UTS2: variants seen among roughly 807,000 people sequenced by gnomAD.
UTS2 encodes the protein urotensin-2.
A neutral mutation model predicts 12.6 loss-of-function variants in UTS2; 10 were observed. That is an observed-to-expected ratio of 0.80 (90% CI 0.49 to 1.35). The LOEUF is 1.35. UTS2 is among the 40% of genes most tolerant of loss of function. UTS2 has a pLI of 0.00. For missense variants in UTS2, 142 were observed against 143.2 expected, an observed-to-expected ratio of 0.99 and a Z score of 0.04; for synonymous variants, 52 against 50.0, an observed-to-expected ratio of 1.04 and a Z score of -0.17.
At chr1:7,889,460 A>AG in the UTS2 span, among the ~76,000 whole-genome samples, 2 of 145,872 alleles carry the variant, frequency 1.4e-5, no homozygotes, top group African/African-American at 2.6e-5. Flanking sequence ...AAAAAAAAAA[A>AG]AAAGAAAAGA....
the UTS2 span, among the ~76,000 whole-genome samples, chr1:7,862,980 ATTGTGTTGTGT>A: frequency 1.9e-5 from 1 of 53,366 alleles, no homozygotes; most frequent in East Asian, 3.0e-4. Context: ...GCCGTTATTT[ATTGTGTTGTGT>A]TGTATTGTAT....
At chr1:7,913,058 A>G in the UTS2 span, among the ~76,000 whole-genome samples, 1 of 150,778 alleles carries the variant, frequency 6.6e-6, no homozygotes, top group African/African-American at 2.5e-5. Context: ...ACTCTCCTCA[A>G]GAGCTAATAG....
At chr1:7,877,133 A>G in the UTS2 span, among the ~76,000 whole-genome samples, 1 of 97,834 alleles carries the variant, frequency 1.0e-5, no homozygotes, top group Non-Finnish European at 2.3e-5. Context: ...TATCAAAAAA[A>G]AAAAAAAAAG....
chr1:7,901,624 G>GTC, the UTS2 span, among the ~76,000 whole-genome samples: 11,253 of 131,414 alleles, frequency 0.086, 1,048 homozygotes, highest in East Asian at 0.21. Flanking sequence ...GTGTGTGTGT[G>GTC]TGTGTGTATA....
chr1:7,911,704 C>T, the UTS2 span, among the ~76,000 whole-genome samples: 23 of 152,114 alleles, frequency 1.5e-4, no homozygotes, highest in Non-Finnish European at 2.2e-4. Context: ...GAGTTCGAGA[C>T]CAGCCTGGCC....
the UTS2 span, among the ~76,000 whole-genome samples, chr1:7,859,463 C>G: frequency 6.6e-6 from 1 of 152,162 alleles, no homozygotes; most frequent in African/African-American, 2.4e-5. Context: ...AGGAGAGGCT[C>G]TTTTCCTGCA....
At chr1:7,908,460 CAAAAAAAAA>C in the UTS2 span, among the ~76,000 whole-genome samples, 2 of 49,620 alleles carry the variant, frequency 4.0e-5, no homozygotes, top group Non-Finnish European at 8.9e-5. Context: ...GACTCTGTCT[CAAAAAAAAA>C]AAAAAAAAAA....
At chr1:7,902,962 T>G in the UTS2 span, among the ~76,000 whole-genome samples, 1 of 151,826 alleles carries the variant, frequency 6.6e-6, no homozygotes, top group African/African-American at 2.4e-5. Context: ...GAGCGTTTTT[T>G]GTTCTCCAGT....
At chr1:7,867,806 G>T in the UTS2 span, among the ~76,000 whole-genome samples, 2 of 152,254 alleles carry the variant, frequency 1.3e-5, no homozygotes, top group South Asian at 4.1e-4. Context: ...AACCCGGGAG[G>T]TGGAAGTTGC....
At chr1:7,853,907 C>T (rs994450471), upstream of UTS2, among the ~76,000 whole-genome samples, 2 of 152,194 alleles carry the variant, frequency 1.3e-5, no homozygotes, top group African/African-American at 4.8e-5. Flanking sequence ...GTTCTTTGCT[C>T]AAAACTTTCT....
the UTS2 span, among the ~76,000 whole-genome samples, chr1:7,910,263 C>T: frequency 6.6e-6 from 1 of 152,110 alleles, no homozygotes; most frequent in Non-Finnish European, 1.5e-5. Context: ...GAGAAGATTA[C>T]TCTAACTCCC....
the UTS2 span, among the ~76,000 whole-genome samples, chr1:7,895,070 G>A: frequency 2.2e-4 from 33 of 149,944 alleles, no homozygotes; most frequent in African/African-American, 4.9e-4. Flanking sequence ...TCAATTTGTC[G>A]GTTAAAATTA....
chr1:7,866,932 C>T, the UTS2 span, among the ~76,000 whole-genome samples: 1 of 44,624 alleles, frequency 2.2e-5, no homozygotes, highest in Admixed American at 4.1e-4. This position sits in a 1 kb window ranked among gnomAD's most constrained non-coding sequence, Gnocchi z 4.5. Context: ...AACAGTGGCG[C>T]CACCTTGGCT....
chr1:7,853,433 T>C, upstream of UTS2: 2 of 1,613,154 alleles, frequency 1.2e-6, no homozygotes, highest in South Asian at 2.2e-5. Flanking sequence ...GGTTTCCATT[T>C]TTTAATCTTT....
chr1:7,912,686 C>T, the UTS2 span, among the ~76,000 whole-genome samples: 1 of 152,154 alleles, frequency 6.6e-6, no homozygotes, highest in African/African-American at 2.4e-5. Context: ...GAACTCCCAA[C>T]TTCCGGTGAT....
At chr1:7,884,204 A>G in the UTS2 span, among the ~76,000 whole-genome samples, 51,983 of 152,028 alleles carry the variant, frequency 0.34, 9,622 homozygotes, top group South Asian at 0.45. Flanking sequence ...CACCGGGAAC[A>G]CAATATGTGC....
At chr1:7,848,045 C>T (rs1055333809) in intron 3 of UTS2, among the ~76,000 whole-genome samples, 163 bp from the exon 4 acceptor site, 18 of 152,164 alleles carry the variant, frequency 1.2e-4, no homozygotes, top group Non-Finnish European at 1.9e-4. Flanking sequence ...GTCCCGGGCC[C>T]GTGGGGCTCC....
At chr1:7,872,486 A>T in the UTS2 span, among the ~76,000 whole-genome samples, 1 of 152,180 alleles carries the variant, frequency 6.6e-6, no homozygotes, top group Admixed American at 6.5e-5. Flanking sequence ...GAACACATTA[A>T]TGATAAAGCA....
the UTS2 span, among the ~76,000 whole-genome samples, chr1:7,913,196 C>A: frequency 2.6e-5 from 4 of 151,114 alleles, no homozygotes; most frequent in Non-Finnish European, 5.9e-5. Context: ...GAGTTTTCGG[C>A]CTAGTCCTGC....
Sources: gnomAD v4.1 joint callset for allele counts (sites outside exome capture counted in the v4.1 genomes callset) on GRCh38, gnomAD v4.1.1 for gene constraint, Gnocchi (gnomAD v3.1) non-coding constraint, MANE v1.5 for transcripts, NCBI Gene and HGNC (gene_info 2026-07-23, HGNC 2026-07-21) for gene names.